CIAO2A: variants seen among roughly 807,000 people sequenced by gnomAD.
CIAO2A encodes cytosolic iron-sulfur assembly component 2A.
Under a neutral mutation model 22.4 loss-of-function variants are expected in CIAO2A, and 17 were observed. The observed-to-expected ratio is 0.76, with a 90% CI of 0.52 to 1.14. The LOEUF (loss-of-function observed/expected upper bound fraction) is 1.14, where lower values mean the gene tolerates loss of function less well. Among genes scored for constraint, CIAO2A ranks in the 50% most tolerant of loss-of-function variants. The pLI, the probability that CIAO2A is intolerant of heterozygous loss-of-function variation, is 0.00. For missense variants in CIAO2A, 192 were observed against 191.4 expected (o/e 1.00, Z -0.02); for synonymous variants, 74 against 72.3 (o/e 1.02, Z -0.12).
At chr15:64,088,891 G>A (rs199903062) in intron 1 of CIAO2A, 40 bp from the exon 2 acceptor site, 4 of 1,559,082 alleles carry the variant, frequency 2.6e-6, no homozygotes, top group East Asian at 2.3e-5. Context: ...ATTAAAACAT[G>A]ACTATTCTAA....
chr15:64,085,081 A>AAAAATAAAAT (rs57243810), intron 2 of CIAO2A, among the ~76,000 whole-genome samples: 4 of 149,040 alleles, frequency 2.7e-5, no homozygotes, highest in African/African-American at 7.4e-5. Context: ...CTCTGTCTCA[A>AAAAATAAAAT]AAAATAAAAT....
intron 1 of CIAO2A, among the ~76,000 whole-genome samples, chr15:64,093,363 A>G (rs1321895838): frequency 6.6e-6 from 1 of 152,110 alleles, no homozygotes; most frequent in Non-Finnish European, 1.5e-5. Flanking sequence ...ACTAAGACGT[A>G]GGCCACACGT....
In CIAO2A at chr15:64,088,546, G is replaced by A. The variant is rs1056329999; in HGVS notation, c.289+141C>T. The A allele has an allele frequency of 2.7e-5, 16 of 600,828 alleles. No individual in the cohort carries two copies. In the Admixed American group the frequency reaches 4.1e-4, roughly 15 times the overall value. 37.2% of individuals were successfully genotyped at this position (600,828 alleles called of 1,614,324 possible). A position where few individuals can be genotyped will look rare whatever the true frequency, so the allele number is the denominator to read the frequency against. On this transcript the variant is annotated intron_variant, in intron 2 of 4. Coordinates refer to ENST00000300030, the MANE Select transcript of CIAO2A (RefSeq NM_032231.7). Reference sequence around the variant, plus strand: ...TGAGGACTACAGAAGATGAATACACGAACATACTCTGTAAACCATAAAGTG... The same window carrying A: ...TGAGGACTACAGAAGATGAATACACAAACATACTCTGTAAACCATAAAGTG...
intron 1 of CIAO2A, 95 bp downstream of exon 1, chr15:64,093,550 C>T: frequency 5.2e-6 from 7 of 1,354,856 alleles, no homozygotes; most frequent in Non-Finnish European, 7.0e-6. Flanking sequence ...AAAAGGTCTC[C>T]CCTCCCAGCC....
intron 2 of CIAO2A, among the ~76,000 whole-genome samples, chr15:64,087,089 T>TC (rs2080803405): frequency 7.0e-6 from 1 of 143,312 alleles, no homozygotes; most frequent in Non-Finnish European, 1.5e-5. Flanking sequence ...TTTTGCTTTT[T>TC]TTTTTTTTTT....
chr15:64,089,861 T>G (rs1208526344), intron 1 of CIAO2A, among the ~76,000 whole-genome samples: 1 of 152,098 alleles, frequency 6.6e-6, no homozygotes, highest in African/African-American at 2.4e-5. Flanking sequence ...ATAGAGCAAA[T>G]GAGTTCAATT....
intron 1 of CIAO2A, among the ~76,000 whole-genome samples, chr15:64,090,016 T>G (rs961394519): frequency 6.6e-6 from 1 of 152,132 alleles, no homozygotes; most frequent in Non-Finnish European, 1.5e-5. Flanking sequence ...AGTAGAACCT[T>G]GGCTGAACAT....
chr15:64,077,813 G>A (rs537395513), intron 3 of CIAO2A, among the ~76,000 whole-genome samples: 7 of 152,318 alleles, frequency 4.6e-5, no homozygotes, highest in African/African-American at 1.7e-4. Flanking sequence ...GGACCGCCAT[G>A]AAGGATGTTA....
At chr15:64,084,898 G>T (rs1227245499) in intron 2 of CIAO2A, among the ~76,000 whole-genome samples, 1 of 152,082 alleles carries the variant, frequency 6.6e-6, no homozygotes, top group Non-Finnish European at 1.5e-5. Context: ...TTCGAGACCA[G>T]CCTGGCCAAC....
intron 2 of CIAO2A, among the ~76,000 whole-genome samples, chr15:64,085,180 T>C (rs1180103026): frequency 6.6e-6 from 1 of 152,188 alleles, no homozygotes; most frequent in Non-Finnish European, 1.5e-5. Context: ...GTCCAAATGG[T>C]TACAAAACTT....
Position 64,081,129 on chromosome 15 carries a change from A to C in CIAO2A, c.312T>G (p.Leu104=). 6.2e-7 allele frequency: 1 copy of C among 1,613,624 alleles called. No homozygotes were observed. The highest frequency in any genetic ancestry group is 8.5e-7 in the Non-Finnish European group (1 of 1,179,878). ...TATGTTTAAATGGTAAACATCGCTG[A>C]AGTTTTACTCTTAAGCACAGCCCTG... ...TLIGLCLRVK[L]QRCLPFKHKL... is the part of the protein sequence containing the mutation. The change falls in exon 3 of 5, where the codon CTT becomes CTG. Residue 104 remains leucine, a synonymous_variant. Transcript: ENST00000300030.
intron 3 of CIAO2A, among the ~76,000 whole-genome samples, chr15:64,080,144 T>C (rs767978535): frequency 8.5e-5 from 13 of 152,078 alleles, no homozygotes; most frequent in Non-Finnish European, 1.9e-4. Context: ...CCCAGCACTT[T>C]GGGAGGCCGA....
At chr15:64,086,133 G>C (rs1430912677) in intron 2 of CIAO2A, among the ~76,000 whole-genome samples, 1 of 151,744 alleles carries the variant, frequency 6.6e-6, no homozygotes, top group Non-Finnish European at 1.5e-5. Context: ...TGCTGGCTGG[G>C]AGTGGTGGCT....
rs2080816119 is a variant in CIAO2A at position 64,088,675 on chromosome 15, A to G, written c.289+12T>C. The stretch of plus-strand genomic sequence containing the variant: ...TTTATATAAATATACATGTATGTAC[A>G]GAAAAACTTACCAATAAGAGTCGCC... On this transcript the variant is annotated intron_variant, in intron 2 of 4. Coordinates refer to ENST00000300030, the MANE Select transcript of CIAO2A (RefSeq NM_032231.7). 1 of 1,598,772 alleles carries G rather than the reference A, an allele frequency of 6.3e-7. No homozygotes were observed. The highest frequency in any genetic ancestry group is 8.5e-7 in the Non-Finnish European group (1 of 1,173,490).
chr15:64,079,678 G>T (rs1401057394), intron 3 of CIAO2A, among the ~76,000 whole-genome samples: 5 of 152,188 alleles, frequency 3.3e-5, no homozygotes, highest in Non-Finnish European at 5.9e-5. Flanking sequence ...AAGAGACAAG[G>T]CCGAATCATT....
intron 3 of CIAO2A, among the ~76,000 whole-genome samples, chr15:64,079,699 A>T (rs1422556714): frequency 6.6e-6 from 1 of 152,232 alleles, no homozygotes; most frequent in African/African-American, 2.4e-5. Context: ...CACGAGCGAT[A>T]ACCAATTACT....
intron 3 of CIAO2A, among the ~76,000 whole-genome samples, 182 bp from the exon 4 acceptor site, chr15:64,075,719 C>T (rs1408454618): frequency 6.7e-6 from 1 of 149,846 alleles, no homozygotes; most frequent in Non-Finnish European, 1.5e-5. Flanking sequence ...GGCATGATCT[C>T]GGCTCACTGC....
chr15:64,087,969 A>G (rs2080810840), intron 2 of CIAO2A, among the ~76,000 whole-genome samples: 1 of 152,228 alleles, frequency 6.6e-6, no homozygotes, highest in Non-Finnish European at 1.5e-5. Context: ...ACAGTATGTC[A>G]TAGAGATCTC....
At chr15:64,085,195 T>G (rs922958281) in intron 2 of CIAO2A, among the ~76,000 whole-genome samples, 5 of 152,240 alleles carry the variant, frequency 3.3e-5, no homozygotes, top group African/African-American at 1.2e-4. Context: ...AAACTTCTGA[T>G]GTACCAATAT....
Sources: allele counts gnomAD v4.1 joint callset (sites outside exome capture counted in the v4.1 genomes callset), GRCh38; gene constraint gnomAD v4.1.1; transcripts MANE v1.5; gene names NCBI Gene and HGNC (gene_info 2026-07-23, HGNC 2026-07-21).